Variants in RIMS2 observed in about 807,000 individuals in gnomAD.
RIMS2 encodes regulating synaptic membrane exocytosis 2.
RIMS2 carries 59 observed loss-of-function variants against 174.4 expected under a neutral mutation model. The ratio of observed to expected loss-of-function variants is 0.34; its 90% CI spans 0.27 to 0.42. The LOEUF is 0.42. RIMS2 is among the 10% of genes least tolerant of loss of function. The probability of loss-of-function intolerance (pLI) is 1.00; values close to 1 mark genes in which losing one functional copy is unlikely to be tolerated. For synonymous variants in RIMS2, 606 were observed against 572.5 expected (o/e 1.06, Z -0.84); for missense variants, 1,620 against 1,666.3 (o/e 0.97, Z 0.48).
At chr8:103,713,268 C>T (rs530307700) in intron 2 of RIMS2, among the ~76,000 whole-genome samples, 6 of 152,314 alleles carry the variant, frequency 3.9e-5, no homozygotes, top group Admixed American at 1.3e-4. Context: ...ATCTGCCTGC[C>T]TCGGCCTCCC....
At chr8:103,975,350 A>T in exon 16 of RIMS2, 1 of 1,608,486 alleles carries the variant, frequency 6.2e-7, no homozygotes. Context: ...CTACCTTTAG[A>T]TTATCGACAT....
At chr8:104,036,785 G>T (rs189300845) in intron 19 of RIMS2, among the ~76,000 whole-genome samples, 170 of 152,104 alleles carry the variant, frequency 1.1e-3, no homozygotes, top group African/African-American at 3.9e-3. Context: ...GCTGAGGCAG[G>T]AGAATCGCTT....
At chr8:103,654,253 CAT>C (rs1187751431) in intron 1 of RIMS2, among the ~76,000 whole-genome samples, 1 of 151,782 alleles carries the variant, frequency 6.6e-6, no homozygotes, top group Non-Finnish European at 1.5e-5. Context: ...AATAAAATGA[CAT>C]ATTTTGTGAG....
chr8:103,995,872 G>A (rs1041832597), intron 17 of RIMS2, among the ~76,000 whole-genome samples: 9 of 152,006 alleles, frequency 5.9e-5, no homozygotes, highest in African/African-American at 2.2e-4. Flanking sequence ...AAAAGGTAAA[G>A]GAGAGAAATC....
chr8:104,014,052 G>A (rs2095837406), intron 18 of RIMS2, among the ~76,000 whole-genome samples: 1 of 152,068 alleles, frequency 6.6e-6, no homozygotes, highest in Non-Finnish European at 1.5e-5. Context: ...ATCTTGAATT[G>A]TTCAGGATTT....
chr8:103,940,094 A>G (rs1334345470), intron 13 of RIMS2, among the ~76,000 whole-genome samples: 1 of 151,856 alleles, frequency 6.6e-6, no homozygotes, highest in Non-Finnish European at 1.5e-5. Flanking sequence ...ATTTTCAGGT[A>G]TTTTTTTTAG....
chr8:103,719,478 A>G (rs1337443258), intron 2 of RIMS2, among the ~76,000 whole-genome samples: 1 of 152,212 alleles, frequency 6.6e-6, no homozygotes, highest in Non-Finnish European at 1.5e-5. Context: ...CCCAGTACTC[A>G]TCTGTATGTT....
Position 104,165,015 on chromosome 8 carries a change from T to C in RIMS2, c.3335-79901T>C, listed in dbSNP as rs113566253. Among the ~76,000 whole-genome samples, 704 of 152,316 alleles carry C rather than the reference T, an allele frequency of 4.6e-3. 7 individuals carry two copies. The highest frequency in any genetic ancestry group is 0.016 in the African/African-American group (665 of 41,564). ...TCATATAACTAAATACATATGACTA[T>C]ATGTTTGAAAGTTCACTTCTTATTT... On this transcript the variant is annotated intron_variant, in intron 19 of 23. Coordinates refer to ENST00000504942, the Ensembl canonical transcript of RIMS2.
intron 19 of RIMS2, among the ~76,000 whole-genome samples, chr8:104,210,227 A>T (rs2099099402): frequency 6.6e-6 from 1 of 152,208 alleles, no homozygotes; most frequent in South Asian, 2.1e-4. Context: ...CCCATGAAAG[A>T]GGACTTTTTT....
At chr8:104,040,612 A>G (rs183794144) in intron 19 of RIMS2, among the ~76,000 whole-genome samples, 1 of 151,892 alleles carries the variant, frequency 6.6e-6, no homozygotes, top group Admixed American at 6.6e-5. Flanking sequence ...ATGAATAGGC[A>G]TTAAAAGGGA....
intron 1 of RIMS2, among the ~76,000 whole-genome samples, chr8:103,562,201 A>C (rs2091696972): frequency 6.6e-6 from 1 of 152,196 alleles, no homozygotes; most frequent in African/African-American, 2.4e-5. Flanking sequence ...CCAAAGTCTT[A>C]ACTCATTTCA....
chr8:103,862,398 G>A (rs2099063421), intron 3 of RIMS2, among the ~76,000 whole-genome samples: 1 of 151,978 alleles, frequency 6.6e-6, no homozygotes, highest in African/African-American at 2.4e-5. Flanking sequence ...ATAATTTGAA[G>A]TCAGGTAATG....
chr8:104,013,257 G>T (rs2095813307), intron 17 of RIMS2, among the ~76,000 whole-genome samples, 185 bp from the exon 20 acceptor site: 1 of 152,174 alleles, frequency 6.6e-6, no homozygotes, highest in African/African-American at 2.4e-5. Flanking sequence ...GGCAGATTTT[G>T]GTTTTTTAGA....
chr8:103,919,244 C>T (rs2077152804), intron 9 of RIMS2, among the ~76,000 whole-genome samples: 1 of 152,202 alleles, frequency 6.6e-6, no homozygotes, highest in East Asian at 1.9e-4. Context: ...TTTGGAGTGG[C>T]TGCCTGGGGG....
At position 103,632,759 on chromosome 8, in the gene RIMS2, G is replaced by T. The variant is rs182739473; in HGVS notation, c.177-64327G>T. Reference sequence around the variant, plus strand: ...TTTTTTTTTTTTTTTTTTTTTTTGAGATGGAGTATCGCTCTGTAGCCCAGG... The same window carrying T: ...TTTTTTTTTTTTTTTTTTTTTTTGATATGGAGTATCGCTCTGTAGCCCAGG... On this transcript the variant is annotated intron_variant, in intron 1 of 23. Transcript: ENST00000504942. Among the ~76,000 whole-genome samples, 346 of 76,064 alleles carry T rather than the reference G, an allele frequency of 4.5e-3. 5 individuals are homozygous for T. The highest frequency in any genetic ancestry group is 0.025 in the Admixed American group (151 of 6,160). 49.9% of individuals were successfully genotyped at this position (76,064 alleles called of 152,430 possible). A position where few individuals can be genotyped will look rare whatever the true frequency, so the allele number is the denominator to read the frequency against.
intron 19 of RIMS2, among the ~76,000 whole-genome samples, chr8:104,212,527 C>G (rs569999738): frequency 2.6e-5 from 4 of 152,286 alleles, no homozygotes; most frequent in African/African-American, 4.8e-5. Flanking sequence ...GATGTGACAA[C>G]AAGCTAGTCA....
intron 1 of RIMS2, among the ~76,000 whole-genome samples, chr8:103,517,490 C>G (rs1485763177): frequency 1.3e-5 from 2 of 152,140 alleles, no homozygotes; most frequent in African/African-American, 4.8e-5. Context: ...TTCAATTGAC[C>G]TGCACCAGTA....
intron 1 of RIMS2, among the ~76,000 whole-genome samples, chr8:103,661,824 A>T (rs1240222715): frequency 6.6e-6 from 1 of 152,180 alleles, no homozygotes; most frequent in Non-Finnish European, 1.5e-5. Context: ...TTTTTTGAGC[A>T]TGCCTTACCA....
chr8:103,880,379 A>C (rs2099161453), intron 3 of RIMS2: 1 of 269,278 alleles, frequency 3.7e-6, no homozygotes, highest in Admixed American at 5.3e-5. Flanking sequence ...TTCTTACTTG[A>C]CCTGGAGCTA....
Sources: gnomAD v4.1 joint callset for allele counts (sites outside exome capture counted in the v4.1 genomes callset) on GRCh38, gnomAD v4.1.1 for gene constraint, MANE v1.5 for transcripts, NCBI Gene and HGNC (gene_info 2026-07-23, HGNC 2026-07-21) for gene names.